STEAP1B: variants seen among roughly 807,000 people sequenced by gnomAD.
STEAP1B encodes the protein STEAP family protein MGC87042.
A neutral mutation model predicts 27.9 loss-of-function variants in STEAP1B; 13 were observed. That is an observed-to-expected ratio of 0.47 (90% confidence interval 0.30 to 0.74). STEAP1B has a LOEUF of 0.74. Among genes scored for constraint, STEAP1B ranks in the 30% least tolerant of loss-of-function variants. The pLI is 0.06. For synonymous variants in STEAP1B, 86 were observed against 107.1 expected (o/e 0.80, Z 1.22); for missense variants, 250 against 298.7 (o/e 0.84, Z 1.20).
intron 4 of STEAP1B, among the ~76,000 whole-genome samples, chr7:22,444,539 A>G (rs959602289): frequency 6.6e-6 from 1 of 152,132 alleles, no homozygotes; most frequent in Non-Finnish European, 1.5e-5. Context: ...CAGACACACT[A>G]CTCAAACCCA....
Position 22,481,893 on chromosome 7 carries a change from G to A in STEAP1B, c.762+10672C>T, listed in dbSNP as rs566356020. On this transcript the variant is annotated intron_variant, in intron 4 of 4. Coordinates refer to ENST00000678116, the MANE Select transcript of STEAP1B (RefSeq NM_001382447.1). ...GGTTTCCTGTAATCCTTGAGGGTGGGGAGGAAGCATCCTGTAAGTAAAACA... is the reference window on the plus strand; with the variant it reads ...GGTTTCCTGTAATCCTTGAGGGTGGAGAGGAAGCATCCTGTAAGTAAAACA... 3.3e-5 allele frequency among the ~76,000 whole-genome samples: 5 copies of A among 152,348 alleles called. No individual in the cohort carries two copies. In the East Asian group the frequency reaches 5.8e-4, roughly 18 times the overall value.
intron 4 of STEAP1B, among the ~76,000 whole-genome samples, chr7:22,447,963 C>T (rs1323788011): frequency 3.3e-5 from 5 of 152,180 alleles, no homozygotes; most frequent in Non-Finnish European, 7.3e-5. Flanking sequence ...GTCATGCAAC[C>T]CATATTGGTT....
chr7:22,423,732 T>C (rs1387007700), intron 4 of STEAP1B, among the ~76,000 whole-genome samples: 1 of 152,196 alleles, frequency 6.6e-6, no homozygotes, highest in Non-Finnish European at 1.5e-5. Context: ...ATCATTGAAT[T>C]GTCTATTTAA....
At chr7:22,438,289 T>A (rs894189135) in intron 4 of STEAP1B, 5 of 585,250 alleles carry the variant, frequency 8.5e-6, no homozygotes, top group Non-Finnish European at 1.5e-5. Context: ...TTCCAGTATA[T>A]GCTTGGTGTC....
Position 22,492,520 on chromosome 7 carries a change from CA to C in STEAP1B, c.762+44del, listed in dbSNP as rs1320985350. 3 of 1,521,064 alleles carry C rather than the reference CA, an allele frequency of 2.0e-6. No individual in the cohort carries two copies. The African/African-American group carries it at 4.3e-5, about 22-fold the overall frequency. The allele number at this position is 1,521,064 out of a possible 1,614,324, so 94.2% of individuals were successfully genotyped here. On this transcript the variant is annotated intron_variant, in intron 4 of 4. Coordinates refer to ENST00000678116, the MANE Select transcript of STEAP1B (RefSeq NM_001382447.1). Reference sequence around the variant, plus strand: ...GCCAACATATTCTATATCATAAACACAAAAAGAAGATTTACCTCTTAGGGTT... The same window carrying C: ...GCCAACATATTCTATATCATAAACACAAAAGAAGATTTACCTCTTAGGGTT...
chr7:22,422,618 C>T (rs1028778624), intron 4 of STEAP1B, among the ~76,000 whole-genome samples: 11 of 151,996 alleles, frequency 7.2e-5, no homozygotes, highest in Admixed American at 2.6e-4. Flanking sequence ...CTCAGCCTCC[C>T]GAGTAGCCGG....
At chr7:22,477,930 T>G (rs1380944435) in intron 4 of STEAP1B, among the ~76,000 whole-genome samples, 5 of 152,126 alleles carry the variant, frequency 3.3e-5, no homozygotes, top group Non-Finnish European at 7.4e-5. Flanking sequence ...CAGACTCCCT[T>G]GTAACTCAAA....
chr7:22,457,978 G>A (rs539649352), intron 4 of STEAP1B, among the ~76,000 whole-genome samples: 2 of 152,266 alleles, frequency 1.3e-5, no homozygotes, highest in South Asian at 2.1e-4. Flanking sequence ...TCCCATCCCA[G>A]CCAAACTCAC....
intron 4 of STEAP1B, among the ~76,000 whole-genome samples, chr7:22,444,733 C>T (rs1785383502): frequency 1.3e-5 from 2 of 152,224 alleles, no homozygotes; most frequent in Admixed American, 1.3e-4. Context: ...GAAACCCTTT[C>T]CGGAACACTT....
At chr7:22,461,573 ACT>A (rs1002142784) in intron 4 of STEAP1B, among the ~76,000 whole-genome samples, 2 of 151,980 alleles carry the variant, frequency 1.3e-5, no homozygotes, top group African/African-American at 2.4e-5. Context: ...CACGGAAGGA[ACT>A]CTCTGGGCAA....
chr7:22,427,817 C>A (rs531594854), intron 4 of STEAP1B, among the ~76,000 whole-genome samples: 1 of 152,300 alleles, frequency 6.6e-6, no homozygotes, highest in African/African-American at 2.4e-5. Context: ...AGCAAACCTC[C>A]AGCAAGACTG....
intron 4 of STEAP1B, among the ~76,000 whole-genome samples, chr7:22,488,884 G>C (rs551958173): frequency 6.6e-5 from 10 of 152,322 alleles, no homozygotes; most frequent in Admixed American, 5.9e-4. Flanking sequence ...AAATAAGCCA[G>C]GAAGGTCTTA....
At chr7:22,472,087 T>G (rs964939354) in intron 4 of STEAP1B, among the ~76,000 whole-genome samples, 5 of 152,140 alleles carry the variant, frequency 3.3e-5, no homozygotes, top group Admixed American at 6.5e-5. Context: ...AATAGATTCA[T>G]GACATATTGG....
At chr7:22,487,748 T>C (rs962835690) in intron 4 of STEAP1B, among the ~76,000 whole-genome samples, 1 of 133,358 alleles carries the variant, frequency 7.5e-6, no homozygotes, top group East Asian at 2.1e-4. Flanking sequence ...GAGGTTACGA[T>C]GAACCAAGAT....
intron 4 of STEAP1B, among the ~76,000 whole-genome samples, chr7:22,461,229 A>C (rs190260252): frequency 1.2e-4 from 18 of 152,004 alleles, no homozygotes; most frequent in Non-Finnish European, 5.9e-5. Flanking sequence ...AGTGCTCTGT[A>C]CTCTCATTCA....
At chr7:22,420,521 T>A (rs1785031716) in intron 4 of STEAP1B, among the ~76,000 whole-genome samples, 1 of 152,240 alleles carries the variant, frequency 6.6e-6, no homozygotes, top group South Asian at 2.1e-4. Context: ...CAGGAGTAAT[T>A]ACACCAGAGC....
rs761423700 is a variant in STEAP1B, at chr7:22,493,374, C to CAT, written c.546_547insAT (p.Ala183MetfsTer3). ...TTGTATCTGTAGGATCGCCTCATTG[C>CAT]GTAAGACAGAGTATAAATTGCATGC... On this transcript the variant is annotated frameshift_variant, in exon 3 of 5. Coordinates refer to ENST00000678116, the MANE Select transcript of STEAP1B (RefSeq NM_001382447.1). LOFTEE classifies it high-confidence loss of function. 1.5e-4 allele frequency: 250 copies of CAT among 1,614,018 alleles called. No individual in the cohort carries two copies. Among genetic ancestry groups the CAT allele is most frequent in the Non-Finnish European group, 2.0e-4 (238 of 1,180,034 alleles).
At chr7:22,422,255 T>A (rs1244821498) in intron 4 of STEAP1B, among the ~76,000 whole-genome samples, 1 of 152,308 alleles carries the variant, frequency 6.6e-6, no homozygotes, top group East Asian at 1.9e-4. Context: ...GAGTCCATAT[T>A]TCTGGTTCTA....
At chr7:22,447,826 T>A (rs1382602339) in intron 4 of STEAP1B, among the ~76,000 whole-genome samples, 1 of 152,238 alleles carries the variant, frequency 6.6e-6, no homozygotes, top group East Asian at 1.9e-4. Flanking sequence ...AAACACTTAC[T>A]GAGGACCTGC....
Sources: allele counts gnomAD v4.1 joint callset (sites outside exome capture counted in the v4.1 genomes callset), GRCh38; gene constraint gnomAD v4.1.1; transcripts MANE v1.5; gene names NCBI Gene and HGNC (gene_info 2026-07-23, HGNC 2026-07-21).